The following POC1B variants were observed in gnomAD, a reference collection of about 807,000 sequenced individuals.
POC1B encodes the protein POC1 centriolar protein B.
A neutral mutation model predicts 60.6 loss-of-function variants in POC1B; 44 were observed. The observed-to-expected ratio is 0.73, with a 90% CI of 0.57 to 0.93. POC1B has a LOEUF of 0.93. Ranked by LOEUF, POC1B falls within the 40% of genes least tolerant of loss-of-function variation. The pLI is 0.00. For missense variants in POC1B, 555 were observed against 572.3 expected, an observed-to-expected ratio of 0.97 and a Z score of 0.31; for synonymous variants, 180 against 198.9, an observed-to-expected ratio of 0.90 and a Z score of 0.80.
chr12:89,401,694 T>A, the POC1B span, among the ~76,000 whole-genome samples: 1 of 152,172 alleles, frequency 6.6e-6, no homozygotes, highest in African/African-American at 2.4e-5. Context: ...AGCCTTAATC[T>A]CAATCTTTTG....
At chr12:89,500,979 C>T in intron 2 of POC1B, 3 of 904,972 alleles carry the variant, frequency 3.3e-6, no homozygotes, top group South Asian at 2.9e-5. Flanking sequence ...TTCGTGTCCT[C>T]CCGATGATAT....
the POC1B span, among the ~76,000 whole-genome samples, chr12:89,409,027 G>A: frequency 0.025 from 3,851 of 152,192 alleles, 74 homozygotes; most frequent in Non-Finnish European, 0.036. Context: ...TTAGCCCTTT[G>A]TCAGATGGGT....
intron 2 of POC1B, among the ~76,000 whole-genome samples, chr12:89,498,812 C>T (rs1013699638): frequency 1.3e-5 from 2 of 152,060 alleles, no homozygotes; most frequent in Non-Finnish European, 2.9e-5. Context: ...TTCTGTGTAT[C>T]ATGCTGCAAA....
At chr12:89,499,934 C>G (rs55824511) in intron 2 of POC1B, among the ~76,000 whole-genome samples, 2 of 152,250 alleles carry the variant, frequency 1.3e-5, no homozygotes, top group Non-Finnish European at 2.9e-5. Flanking sequence ...GCACGCCTTC[C>G]AGATCGCAGC....
chr12:89,403,823 T>C, the POC1B span, among the ~76,000 whole-genome samples: 44 of 152,212 alleles, frequency 2.9e-4, no homozygotes, highest in African/African-American at 9.9e-4. Flanking sequence ...ATCCTCCCTT[T>C]GCCTTCTGGA....
At chr12:89,447,500 T>A (rs537566627) in intron 10 of POC1B, among the ~76,000 whole-genome samples, 1 of 152,164 alleles carries the variant, frequency 6.6e-6, no homozygotes, top group African/African-American at 2.4e-5. Flanking sequence ...TATTTCTTAG[T>A]CAAATTCTTC....
chr12:89,515,429 T>C (rs924803850), intron 2 of POC1B, among the ~76,000 whole-genome samples: 1 of 152,124 alleles, frequency 6.6e-6, no homozygotes. Context: ...ACCACTGTGC[T>C]TGGCTTTATA....
chr12:89,416,561 A>G (rs1880369634), downstream of POC1B, among the ~76,000 whole-genome samples: 1 of 152,196 alleles, frequency 6.6e-6, no homozygotes, highest in Non-Finnish European at 1.5e-5. Context: ...TTGGATATCT[A>G]CAGTGTTAAC....
intron 2 of POC1B, chr12:89,522,884 C>T (rs1259921187): frequency 3.1e-6 from 5 of 1,613,084 alleles, no homozygotes; most frequent in East Asian, 2.2e-5. Flanking sequence ...TCAGGTCGGC[C>T]CTCCGGTGTC....
intron 4 of POC1B, among the ~76,000 whole-genome samples, chr12:89,478,685 G>A (rs1883209502): frequency 6.6e-6 from 1 of 152,234 alleles, no homozygotes; most frequent in South Asian, 2.1e-4. Flanking sequence ...TAATGCCACA[G>A]AACTGTATAC....
At chr12:89,479,155 C>T (rs10858872) in intron 4 of POC1B, among the ~76,000 whole-genome samples, 29,423 of 152,040 alleles carry the variant, frequency 0.19, 3,267 homozygotes, top group South Asian at 0.36. Context: ...ATAATAGATA[C>T]CTCATCTTTT....
At chr12:89,524,373 C>T in intron 2 of POC1B, 7 of 1,614,042 alleles carry the variant, frequency 4.3e-6, no homozygotes, top group Non-Finnish European at 5.9e-6. Context: ...GCGGTCGAGA[C>T]AAATCCTCCG....
chr12:89,432,781 G>A (rs1198005314), intron 10 of POC1B, among the ~76,000 whole-genome samples: 1 of 152,204 alleles, frequency 6.6e-6, no homozygotes, highest in African/African-American at 2.4e-5. Flanking sequence ...TAATACAATT[G>A]GAAATATATG....
At chr12:89,491,866 T>C in intron 4 of POC1B, 70 bp downstream of exon 4, 1 of 1,311,166 alleles carries the variant, frequency 7.6e-7, no homozygotes, top group Non-Finnish European at 1.0e-6. Context: ...ACCCTTTTTC[T>C]GGAAGTTGGG....
rs1880723728 is a variant in POC1B at position 89,425,436 on chromosome 12, T to G, written c.1114-57A>C. On this transcript the variant is annotated intron_variant, in intron 10 of 11. Coordinates refer to ENST00000313546, the MANE Select transcript of POC1B (RefSeq NM_172240.3). ...ATATTTTCCAAACTTTAAAATGATA[T>G]ATATAAAAGTTTAAAATATTCCTCT... is the stretch of plus-strand genomic sequence containing the variant. 7.3e-6 allele frequency: 10 copies of G among 1,378,316 alleles called. No homozygotes were observed. In the East Asian group the frequency reaches 1.7e-4, roughly 23 times the overall value. The allele number at this position is 1,378,316 out of a possible 1,614,324, so 85.4% of individuals were successfully genotyped here.
chr12:89,452,411 T>G (rs951144977), intron 10 of POC1B, among the ~76,000 whole-genome samples: 9 of 152,180 alleles, frequency 5.9e-5, no homozygotes, highest in African/African-American at 2.2e-4. Flanking sequence ...ATTTTCCTTT[T>G]TTTTTTCTGT....
At chr12:89,413,439 C>T in the POC1B span, among the ~76,000 whole-genome samples, 2 of 152,024 alleles carry the variant, frequency 1.3e-5, no homozygotes, top group Non-Finnish European at 2.9e-5. Context: ...TTAAGTGATC[C>T]TCCCATCTCA....
chr12:89,460,910 T>G (rs1882460250), intron 9 of POC1B: 1 of 152,002 alleles, frequency 6.6e-6, no homozygotes, highest in Non-Finnish European at 1.5e-5. Context: ...AAAATAAAAT[T>G]GAAACATTAT....
chr12:89,487,986 A>G, intron 4 of POC1B, among the ~76,000 whole-genome samples: 1 of 152,182 alleles, frequency 6.6e-6, no homozygotes. Flanking sequence ...CCCTGAGGCC[A>G]AGACTGTGTC....
Sources: gnomAD v4.1 joint callset for allele counts (sites outside exome capture counted in the v4.1 genomes callset) on GRCh38, gnomAD v4.1.1 for gene constraint, MANE v1.5 for transcripts, NCBI Gene and HGNC (gene_info 2026-07-23, HGNC 2026-07-21) for gene names.